Variants in PIK3AP1 observed in about 807,000 individuals in gnomAD.
PIK3AP1 encodes the protein phosphoinositide 3-kinase adapter protein 1.
In PIK3AP1, 21 loss-of-function variants were observed where a neutral mutation model predicts 88.1. That is an observed-to-expected ratio of 0.24 (90% CI 0.17 to 0.34). The LOEUF is 0.34. PIK3AP1 is among the 10% of genes least tolerant of loss of function. PIK3AP1 has a pLI of 1.00. For missense variants in PIK3AP1, 828 were observed against 1,035.7 expected, an observed-to-expected ratio of 0.80 and a Z score of 2.75; for synonymous variants, 398 against 400.0, an observed-to-expected ratio of 1.00 and a Z score of 0.06.
At chr10:96,609,988 A>G in intron 13 of PIK3AP1, 121 bp from the exon 14 acceptor site, 1 of 1,289,818 alleles carries the variant, frequency 7.8e-7, no homozygotes, top group Non-Finnish European at 1.1e-6. Context: ...GGGAAGGGGA[A>G]GGGAAAAGAC....
In PIK3AP1 at chr10:96,609,873, A is replaced by T. The variant is rs775761112; in HGVS notation, c.2015-6T>A. ...TGGGACCGTGATCTCCAAGTCTGGA[A>T]TTGGAGGAAAGAGGGATAAGCTGTC... On this transcript the variant is annotated splice_polypyrimidine_tract_variant and splice_region_variant and intron_variant, in intron 13 of 16. Transcript: ENST00000339364. 3.7e-6 allele frequency: 6 copies of T among 1,613,770 alleles called. No homozygotes were observed. In the Admixed American group the frequency reaches 1.0e-4, roughly 27 times the overall value.
intron 2 of PIK3AP1, among the ~76,000 whole-genome samples, chr10:96,675,121 G>A (rs1051892821): frequency 7.2e-5 from 11 of 151,758 alleles, no homozygotes; most frequent in African/African-American, 2.7e-4. Context: ...TTGAACCCCT[G>A]ACCTCAGGTG....
intron 8 of PIK3AP1, among the ~76,000 whole-genome samples, chr10:96,639,679 C>T (rs746364928): frequency 1.8e-4 from 27 of 152,200 alleles, no homozygotes; most frequent in Non-Finnish European, 3.7e-4. Context: ...CAGGTAAGAA[C>T]TCATGCTGTG....
chr10:96,630,463 C>A (rs1459347250), intron 8 of PIK3AP1, among the ~76,000 whole-genome samples: 1 of 152,106 alleles, frequency 6.6e-6, no homozygotes, highest in Non-Finnish European at 1.5e-5. Context: ...AAATTCAAGA[C>A]CAGAAAAATT....
At chr10:96,629,676 G>C (rs1337675945) in intron 8 of PIK3AP1, among the ~76,000 whole-genome samples, 3 of 130,890 alleles carry the variant, frequency 2.3e-5, no homozygotes, top group Admixed American at 8.7e-5. Context: ...CTAGGAGTTC[G>C]AGTCCAGCCT....
In PIK3AP1 at chr10:96,720,453, C is replaced by G; in HGVS notation, c.-59G>C. 8.2e-7 allele frequency: 1 copy of G among 1,214,370 alleles called. No individual in the cohort carries two copies. The highest frequency in any genetic ancestry group is 1.6e-5 in the African/African-American group (1 of 63,578). 75.2% of individuals were successfully genotyped at this position (1,214,370 alleles called of 1,614,324 possible). On this transcript the variant is annotated 5_prime_UTR_variant, in exon 1 of 17. Transcript: ENST00000339364. This position sits in a 1 kb window ranked among gnomAD's most constrained non-coding sequence, Gnocchi z 4.6. Reference sequence around the variant, plus strand: ...GCGTGCCCGGGGCCGGGACCGGGGCCGGCGGCGTCCTGGCTCGGGCTGGAG... The same window carrying G: ...GCGTGCCCGGGGCCGGGACCGGGGCGGGCGGCGTCCTGGCTCGGGCTGGAG...
At chr10:96,681,609 G>A (rs1195770656) in intron 2 of PIK3AP1, among the ~76,000 whole-genome samples, 2 of 152,208 alleles carry the variant, frequency 1.3e-5, no homozygotes, top group Non-Finnish European at 1.5e-5. Context: ...GGGGGCTCTA[G>A]TAGGATGTTT....
chr10:96,630,618 T>C (rs962501555), intron 8 of PIK3AP1, among the ~76,000 whole-genome samples: 2 of 151,924 alleles, frequency 1.3e-5, no homozygotes, highest in Admixed American at 6.6e-5. Context: ...GAAGATCGCT[T>C]GAGCCCAGAA....
rs58665061 is a variant in PIK3AP1 at position 96,634,227 on chromosome 10, A to C, written c.1376-5734T>G. ...GCCAGACGATCCGAGGCACGGCTGG[A>C]AGAACATGATGGGGGCAAAGGTGCA... On this transcript the variant is annotated intron_variant, in intron 8 of 16. Coordinates refer to ENST00000339364, the MANE Select transcript of PIK3AP1 (RefSeq NM_152309.3). Among the ~76,000 whole-genome samples the C allele has an allele frequency of 2.5e-3, 381 of 152,314 alleles. 7 individuals are homozygous for C. The East Asian group carries it at 0.057, about 23-fold the overall frequency.
chr10:96,673,828 A>G (rs1207374375), intron 2 of PIK3AP1, among the ~76,000 whole-genome samples: 1 of 152,172 alleles, frequency 6.6e-6, no homozygotes, highest in African/African-American at 2.4e-5. Flanking sequence ...ATTGAGAGTA[A>G]AATTTCTTCC....
At position 96,613,266 on chromosome 10, in the gene PIK3AP1, C is replaced by T. The variant is rs990706935; in HGVS notation, c.2014+3373G>A. Among the ~76,000 whole-genome samples the T allele has an allele frequency of 1.1e-4, 16 of 151,810 alleles. 1 individual carries two copies. The highest frequency in any genetic ancestry group is 2.0e-4 in the Admixed American group (3 of 15,258). On this transcript the variant is annotated intron_variant, in intron 13 of 16. Transcript: ENST00000339364. ...CTCCCACTTCAGCCTCCCAAAGTGC[C>T]GGGATTACAGGTGTGAGCCACTGCA...
Position 96,656,942 on chromosome 10 carries a change from A to AT in PIK3AP1, c.431-9dup. The stretch of plus-strand genomic sequence containing the variant: ...CTGAGTCACAGCCAGAATCTACAAA[A>AT]TAGAGGACACCGCTGAATGGGAACG... On this transcript the variant is annotated splice_polypyrimidine_tract_variant and intron_variant, in intron 2 of 16. Coordinates refer to ENST00000339364, the MANE Select transcript of PIK3AP1 (RefSeq NM_152309.3). The AT allele has an allele frequency of 2.5e-6, 4 of 1,613,564 alleles. No homozygotes were observed. In the Middle Eastern group the frequency reaches 6.6e-4, roughly 266 times the overall value.
chr10:96,620,191 A>C (rs1185232929), intron 12 of PIK3AP1, among the ~76,000 whole-genome samples, 161 bp downstream of exon 12: 1 of 152,178 alleles, frequency 6.6e-6, no homozygotes, highest in Non-Finnish European at 1.5e-5. Flanking sequence ...GACCGAGGTG[A>C]CACTCATACA....
chr10:96,644,100 C>T (rs778484846), intron 8 of PIK3AP1, among the ~76,000 whole-genome samples: 16 of 152,124 alleles, frequency 1.1e-4, no homozygotes, highest in Admixed American at 3.3e-4. Context: ...CCCAGATCAG[C>T]GGTTCTCAAG....
chr10:96,696,874 A>G lies in PIK3AP1; in HGVS notation c.430+12693T>C, dbSNP rs116106435. ...GAAGTGAATACACTACCATACCTTG[A>G]TAGGATTTGGAAAAATATTAGATCG... On this transcript the variant is annotated intron_variant, in intron 2 of 16. Coordinates refer to ENST00000339364, the MANE Select transcript of PIK3AP1 (RefSeq NM_152309.3). Among the ~76,000 whole-genome samples, 1,347 of 152,350 alleles carry G rather than the reference A, an allele frequency of 8.8e-3. 25 individuals are homozygous for G. Among genetic ancestry groups the G allele is most frequent in the African/African-American group, 0.031 (1,278 of 41,572 alleles).
intron 2 of PIK3AP1, among the ~76,000 whole-genome samples, chr10:96,657,720 T>C (rs1843634182): frequency 6.6e-6 from 1 of 152,120 alleles, no homozygotes; most frequent in South Asian, 2.1e-4. Flanking sequence ...TTTCTGGAGA[T>C]AGTTCAAAGC....
intron 8 of PIK3AP1, among the ~76,000 whole-genome samples, chr10:96,644,955 T>C (rs1183510814): frequency 2.0e-5 from 3 of 152,176 alleles, no homozygotes; most frequent in Non-Finnish European, 4.4e-5. Context: ...AGTCAATGTT[T>C]GAAGCCGTTG....
At chr10:96,682,549 C>G (rs982100284) in intron 2 of PIK3AP1, among the ~76,000 whole-genome samples, 1 of 152,228 alleles carries the variant, frequency 6.6e-6, no homozygotes, top group Admixed American at 6.5e-5. Context: ...TCTTCCTTCC[C>G]TGCTCTAATT....
chr10:96,606,297 G>A (rs1241568482), intron 14 of PIK3AP1, among the ~76,000 whole-genome samples: 1 of 152,092 alleles, frequency 6.6e-6, no homozygotes, highest in African/African-American at 2.4e-5. Context: ...AGCCCCTCGG[G>A]CCCACGGGCC....
Sources: allele counts gnomAD v4.1 joint callset (sites outside exome capture counted in the v4.1 genomes callset), GRCh38; gene constraint gnomAD v4.1.1; non-coding constraint Gnocchi (gnomAD v3.1); transcripts MANE v1.5; gene names NCBI Gene and HGNC (gene_info 2026-07-23, HGNC 2026-07-21).